Variants in ERC2 observed in about 807,000 individuals in gnomAD.
ERC2 encodes the protein ERC protein 2.
A neutral mutation model predicts 114.8 loss-of-function variants in ERC2; 42 were observed. The observed-to-expected ratio is 0.37, with a 90% CI of 0.29 to 0.47. ERC2 has a LOEUF of 0.47. ERC2 is among the 20% of genes least tolerant of loss of function. The pLI, the probability that ERC2 is intolerant of heterozygous loss-of-function variation, is 0.99. For synonymous variants in ERC2, 454 were observed against 425.5 expected (o/e 1.07, Z -0.82); for missense variants, 939 against 1,150.7 (o/e 0.82, Z 2.66).
chr3:56,194,165 ATTTT>A (rs1310647573), intron 3 of ERC2, among the ~76,000 whole-genome samples: 1 of 152,120 alleles, frequency 6.6e-6, no homozygotes, highest in African/African-American at 2.4e-5. Flanking sequence ...TCATATAAAG[ATTTT>A]TTTGAAGAGT....
At chr3:56,065,382 C>T (rs1164751951) in intron 7 of ERC2, among the ~76,000 whole-genome samples, 1 of 151,798 alleles carries the variant, frequency 6.6e-6, no homozygotes, top group Non-Finnish European at 1.5e-5. Context: ...ACTACCATGC[C>T]CAGCTAATTT....
intron 17 of ERC2, among the ~76,000 whole-genome samples, chr3:55,638,795 A>G (rs889633298): frequency 2.6e-5 from 4 of 152,248 alleles, no homozygotes; most frequent in African/African-American, 7.2e-5. Context: ...TCTAAAAACT[A>G]AAAGGAAATC....
chr3:55,864,229 A>ATG (rs72144317), intron 14 of ERC2, among the ~76,000 whole-genome samples: 2 of 146,188 alleles, frequency 1.4e-5, no homozygotes, highest in Admixed American at 1.4e-4. Flanking sequence ...ACACATATAT[A>ATG]TGTGTGTGTG....
chr3:56,295,829 G>A (rs2055393664), intron 3 of ERC2, among the ~76,000 whole-genome samples, 190 bp downstream of exon 3: 1 of 152,212 alleles, frequency 6.6e-6, no homozygotes, highest in Non-Finnish European at 1.5e-5. Flanking sequence ...ATAATGGAAT[G>A]CATGTGCAGT....
At chr3:55,956,287 G>A (rs2067947620) in intron 12 of ERC2, among the ~76,000 whole-genome samples, 1 of 152,118 alleles carries the variant, frequency 6.6e-6, no homozygotes, top group African/African-American at 2.4e-5. Context: ...TGGAAGCATT[G>A]CAGGAAGCTC....
intron 14 of ERC2, among the ~76,000 whole-genome samples, chr3:55,773,727 T>C (rs947034823): frequency 6.6e-6 from 1 of 152,236 alleles, no homozygotes; most frequent in African/African-American, 2.4e-5. Flanking sequence ...TTCAATTTGT[T>C]TTTTAAAAAA....
chr3:55,525,779 G>A (rs1302383509), intron 17 of ERC2, among the ~76,000 whole-genome samples: 1 of 152,164 alleles, frequency 6.6e-6, no homozygotes, highest in Non-Finnish European at 1.5e-5. Context: ...GAAGGGGAGT[G>A]ACCTGGCCAG....
intron 6 of ERC2, among the ~76,000 whole-genome samples, chr3:56,118,556 A>G (rs1158088721): frequency 6.6e-6 from 1 of 152,016 alleles, no homozygotes; most frequent in East Asian, 1.9e-4. Context: ...TCCATGTACT[A>G]ATTTGTTCCT....
At chr3:55,680,829 A>G (rs1209154474) in intron 17 of ERC2, among the ~76,000 whole-genome samples, 2 of 152,212 alleles carry the variant, frequency 1.3e-5, no homozygotes, top group Non-Finnish European at 2.9e-5. Context: ...GAGGGGGAGT[A>G]TAAAGAGAAT....
intron 17 of ERC2, among the ~76,000 whole-genome samples, chr3:55,678,583 C>T (rs960433819): frequency 6.6e-6 from 1 of 152,168 alleles, no homozygotes; most frequent in African/African-American, 2.4e-5. Flanking sequence ...GTTGGAGGAG[C>T]CACCCACTCT....
At chr3:56,437,106 G>A (rs2062056933) in intron 1 of ERC2, among the ~76,000 whole-genome samples, 1 of 152,196 alleles carries the variant, frequency 6.6e-6, no homozygotes, top group Non-Finnish European at 1.5e-5. Flanking sequence ...GTCCAGTAAG[G>A]TGATAACAAA....
At chr3:55,582,109 G>GT (rs2057291948) in intron 17 of ERC2, among the ~76,000 whole-genome samples, 1 of 152,188 alleles carries the variant, frequency 6.6e-6, no homozygotes. Context: ...CATTGCTCAG[G>GT]TCTCAGCTAA....
intron 17 of ERC2, among the ~76,000 whole-genome samples, chr3:55,655,030 G>T (rs1027825301): frequency 6.6e-6 from 1 of 152,182 alleles, no homozygotes; most frequent in Non-Finnish European, 1.5e-5. Context: ...GGCAGGTGAG[G>T]AGTGTGAGGG....
At chr3:56,052,098 G>A (rs1428532808) in intron 7 of ERC2, among the ~76,000 whole-genome samples, 1 of 152,208 alleles carries the variant, frequency 6.6e-6, no homozygotes, top group Non-Finnish European at 1.5e-5. Flanking sequence ...CACAATTCTA[G>A]TAATGTGCTG....
chr3:55,686,855 T>A (rs2062360108), intron 16 of ERC2, among the ~76,000 whole-genome samples: 1 of 152,168 alleles, frequency 6.6e-6, no homozygotes, highest in South Asian at 2.1e-4. Context: ...TGCCAAAATA[T>A]CTGGATGGGA....
intron 17 of ERC2, chr3:55,647,255 C>T (rs962652888): frequency 6.6e-6 from 1 of 151,936 alleles, no homozygotes; most frequent in Admixed American, 6.5e-5. Context: ...AAAGTCTACA[C>T]TCGCCTGGGA....
intron 15 of ERC2, among the ~76,000 whole-genome samples, chr3:55,711,225 T>A (rs921716917): frequency 1.3e-5 from 2 of 152,234 alleles, no homozygotes; most frequent in African/African-American, 2.4e-5. Flanking sequence ...GAACTACTGA[T>A]TAGGCTTTAT....
At chr3:55,926,060 C>A (rs533885548) in intron 13 of ERC2, among the ~76,000 whole-genome samples, 28 of 152,216 alleles carry the variant, frequency 1.8e-4, no homozygotes, top group African/African-American at 6.5e-4. Context: ...GGTGGGCACC[C>A]ATTTACTATT....
intron 2 of ERC2, among the ~76,000 whole-genome samples, chr3:56,423,442 A>C (rs9875049): frequency 0.065 from 9,898 of 152,308 alleles, 494 homozygotes; most frequent in Admixed American, 0.16. Flanking sequence ...CCATCCCCCA[A>C]GTTGTAACAG....
Sources: gnomAD v4.1 joint callset for allele counts (sites outside exome capture counted in the v4.1 genomes callset) on GRCh38, gnomAD v4.1.1 for gene constraint, MANE v1.5 for transcripts, NCBI Gene and HGNC (gene_info 2026-07-23, HGNC 2026-07-21) for gene names.